The following RBFOX1 variants were observed in gnomAD, a reference collection of about 807,000 sequenced individuals.
RBFOX1 encodes RNA binding protein fox-1 homolog 1.
In RBFOX1, 8 loss-of-function variants were observed where a neutral mutation model predicts 57.7. That is an observed-to-expected ratio of 0.14 (90% confidence interval 0.08 to 0.25). The LOEUF is 0.25. RBFOX1 is among the 10% of genes least tolerant of loss of function. The pLI is 1.00. For missense variants in RBFOX1, 611 were observed against 548.5 expected (o/e 1.11, Z -1.14); for synonymous variants, 326 against 222.4 (o/e 1.47, Z -4.15).
chr16:7,092,365 C>T (rs981333141), intron 4 of RBFOX1, among the ~76,000 whole-genome samples: 1 of 152,184 alleles, frequency 6.6e-6, no homozygotes, highest in African/African-American at 2.4e-5. Context: ...AACAAAGCCT[C>T]TGAGAGGAAA....
At chr16:5,477,511 A>T (rs1222406988) in intron 2 of RBFOX1, among the ~76,000 whole-genome samples, 1 of 152,188 alleles carries the variant, frequency 6.6e-6, no homozygotes, top group East Asian at 1.9e-4. Flanking sequence ...CTTACTTTGC[A>T]TAAGTTATTG....
intron 14 of RBFOX1, among the ~76,000 whole-genome samples, chr16:7,699,886 G>C (rs79594706): frequency 2.0e-3 from 311 of 152,238 alleles, no homozygotes; most frequent in African/African-American, 7.0e-3. Flanking sequence ...GTGTCCCCAA[G>C]AACTGGTCAT....
At chr16:6,659,990 G>T (rs1320968400) in intron 3 of RBFOX1, among the ~76,000 whole-genome samples, 1 of 152,088 alleles carries the variant, frequency 6.6e-6, no homozygotes, top group Non-Finnish European at 1.5e-5. Context: ...CAGCACTTTT[G>T]GAGGGTGAGG....
intron 3 of RBFOX1, among the ~76,000 whole-genome samples, chr16:5,749,733 T>C (rs1302337670): frequency 2.0e-5 from 3 of 152,218 alleles, no homozygotes; most frequent in Non-Finnish European, 2.9e-5. Flanking sequence ...ATTTAAGGAC[T>C]TCTCTACACT....
At chr16:5,682,238 T>C (rs938730654) in intron 3 of RBFOX1, among the ~76,000 whole-genome samples, 2 of 152,218 alleles carry the variant, frequency 1.3e-5, no homozygotes, top group African/African-American at 4.8e-5. Context: ...GCCTTGCAAA[T>C]TTGCATCCAT....
chr16:6,598,447 T>G (rs2097801238), intron 2 of RBFOX1, among the ~76,000 whole-genome samples: 1 of 152,194 alleles, frequency 6.6e-6, no homozygotes, highest in Non-Finnish European at 1.5e-5. Flanking sequence ...ACTAATGTTC[T>G]TGTTATCTCC....
chr16:6,652,816 C>G (rs79502208), intron 2 of RBFOX1, among the ~76,000 whole-genome samples: 2 of 151,918 alleles, frequency 1.3e-5, no homozygotes, highest in Non-Finnish European at 2.9e-5. Context: ...TGAAAAAATT[C>G]TGGAGATGGA....
intron 4 of RBFOX1, among the ~76,000 whole-genome samples, chr16:7,068,567 CTT>C (rs1182047360): frequency 6.6e-6 from 1 of 152,094 alleles, no homozygotes; most frequent in Non-Finnish European, 1.5e-5. Flanking sequence ...AGTACTGACT[CTT>C]TGATACTATT....
At chr16:7,653,691 G>A in intron 11 of RBFOX1, 124 bp from the exon 12 acceptor site, 1 of 1,387,138 alleles carries the variant, frequency 7.2e-7, no homozygotes, top group Non-Finnish European at 9.7e-7. Flanking sequence ...TTGATTCCGG[G>A]AAGCGGGCGG....
At chr16:7,446,240 C>T (rs375169838) in intron 4 of RBFOX1, among the ~76,000 whole-genome samples, 23 of 152,110 alleles carry the variant, frequency 1.5e-4, no homozygotes, top group African/African-American at 5.3e-4. Flanking sequence ...CAGACCCATG[C>T]GAATTGACAG....
chr16:6,934,264 G>C (rs933145476), intron 3 of RBFOX1, among the ~76,000 whole-genome samples: 2 of 152,202 alleles, frequency 1.3e-5, no homozygotes, highest in African/African-American at 4.8e-5. Flanking sequence ...CAGCTCTTCA[G>C]TCTGGACTGA....
chr16:5,464,268 C>A (rs146877684), intron 1 of RBFOX1, among the ~76,000 whole-genome samples: 43 of 152,330 alleles, frequency 2.8e-4, no homozygotes, highest in African/African-American at 1.0e-3. Context: ...TAGAACTGCA[C>A]AGTCAGGGGT....
chr16:6,751,576 C>G (rs550673749), intron 3 of RBFOX1, among the ~76,000 whole-genome samples: 5 of 152,136 alleles, frequency 3.3e-5, no homozygotes, highest in East Asian at 1.9e-4. Context: ...ACAGTGCTTC[C>G]TCTGCACATC....
At chr16:6,655,790 C>T (rs138611121) in intron 3 of RBFOX1, among the ~76,000 whole-genome samples, 129 of 152,176 alleles carry the variant, frequency 8.5e-4, no homozygotes, top group Middle Eastern at 3.4e-3. Flanking sequence ...TCAAGTGTAC[C>T]ATTATTGTCA....
At chr16:7,453,630 G>C (rs1426247314) in intron 4 of RBFOX1, among the ~76,000 whole-genome samples, 1 of 152,074 alleles carries the variant, frequency 6.6e-6, no homozygotes, top group African/African-American at 2.4e-5. Context: ...ACATGTTAAA[G>C]CGTGTATAGA....
At chr16:6,976,719 CATAT>C (rs201638250) in intron 3 of RBFOX1, among the ~76,000 whole-genome samples, 3 of 147,930 alleles carry the variant, frequency 2.0e-5, no homozygotes, top group Non-Finnish European at 4.5e-5. Context: ...GCATACATAT[CATAT>C]ATATCATGTA....
chr16:6,408,515 A>G (rs1346151169), intron 2 of RBFOX1, among the ~76,000 whole-genome samples: 1 of 152,094 alleles, frequency 6.6e-6, no homozygotes, highest in African/African-American at 2.4e-5. Flanking sequence ...CACCCATTCC[A>G]TGGTGGGAAG....
intron 3 of RBFOX1, among the ~76,000 whole-genome samples, chr16:7,044,028 A>G (rs957196618): frequency 1.3e-5 from 2 of 152,158 alleles, no homozygotes; most frequent in East Asian, 1.9e-4. Flanking sequence ...TCACTGTACA[A>G]ATGTTCTCTG....
intron 2 of RBFOX1, among the ~76,000 whole-genome samples, chr16:6,429,022 G>C (rs1048154944): frequency 6.6e-6 from 1 of 152,204 alleles, no homozygotes; most frequent in Non-Finnish European, 1.5e-5. Flanking sequence ...ACATGCACCT[G>C]CTCTGTGCTG....
Sources: allele counts gnomAD v4.1 joint callset (sites outside exome capture counted in the v4.1 genomes callset), GRCh38; gene constraint gnomAD v4.1.1; transcripts MANE v1.5; gene names NCBI Gene and HGNC (gene_info 2026-07-23, HGNC 2026-07-21).